Variants in TNRC6B observed in about 807,000 individuals in gnomAD.
The protein encoded by TNRC6B is trinucleotide repeat containing adaptor 6B.
A neutral mutation model predicts 203.6 loss-of-function variants in TNRC6B; 52 were observed. The observed-to-expected ratio is 0.26, with a 90% CI of 0.20 to 0.32. The LOEUF is 0.32. Ranked by LOEUF, TNRC6B falls within the 10% of genes least tolerant of loss-of-function variation. The pLI, the probability that TNRC6B is intolerant of heterozygous loss-of-function variation, is 1.00. For synonymous variants in TNRC6B, 838 were observed against 845.7 expected (o/e 0.99, Z 0.16); for missense variants, 1,923 against 2,286.2 (o/e 0.84, Z 3.24).
At chr22:40,177,917 C>A, upstream of TNRC6B, 1 of 1,339,068 alleles carries the variant, frequency 7.5e-7, no homozygotes, top group Non-Finnish European at 9.5e-7. Context: ...CAAAAAGCTG[C>A]TTCCTTTAGA....
At chr22:40,233,672 G>A (rs1475099654) in intron 1 of TNRC6B, among the ~76,000 whole-genome samples, 1 of 152,074 alleles carries the variant, frequency 6.6e-6, no homozygotes, top group East Asian at 1.9e-4. Context: ...TTCCAGACAA[G>A]CCAATTCCTT....
chr22:40,114,710 C>G (rs2068371577), intron 1 of TNRC6B, among the ~76,000 whole-genome samples: 1 of 152,148 alleles, frequency 6.6e-6, no homozygotes, highest in African/African-American at 2.4e-5. Context: ...ATTCCCACCC[C>G]TTCTATGAAT....
At position 40,323,447 on chromosome 22, in the gene TNRC6B, G is replaced by A; in HGVS notation, c.*206G>A. The A allele has an allele frequency of 1.8e-6, 1 of 542,336 alleles. No homozygotes were observed. Among genetic ancestry groups the A allele is most frequent in the East Asian group, 3.4e-5 (1 of 29,156 alleles). The allele number at this position is 542,336 out of a possible 1,614,324, so 33.6% of individuals were successfully genotyped here. A position where few individuals can be genotyped will look rare whatever the true frequency, so the allele number is the denominator to read the frequency against. On this transcript the variant is annotated 3_prime_UTR_variant, in exon 23 of 23. Transcript: ENST00000454349. ...ACTTCAGTTTTTTCGTTTGGAATAT[G>A]AATCCAAAAAGAGAACATATCACTC...
intron 3 of TNRC6B, among the ~76,000 whole-genome samples, chr22:40,137,389 C>A (rs1402354790): frequency 6.6e-6 from 1 of 152,178 alleles, no homozygotes; most frequent in African/African-American, 2.4e-5. Context: ...GTTCAATACT[C>A]CATCCTGGAC....
At chr22:40,263,922 A>G (rs1040315476) in intron 4 of TNRC6B, among the ~76,000 whole-genome samples, 1 of 152,226 alleles carries the variant, frequency 6.6e-6, no homozygotes, top group South Asian at 2.1e-4. Flanking sequence ...AAAAGACGCT[A>G]ACATGGGGAA....
chr22:40,158,132 GTTCAAGACCAGCCTGACCAACGT>G (rs2068834598), intron 4 of TNRC6B, among the ~76,000 whole-genome samples: 1 of 152,178 alleles, frequency 6.6e-6, no homozygotes, highest in African/African-American at 2.4e-5. Flanking sequence ...GAGGTTGGGA[GTTCAAGACCAGCCTGACCAACGT>G]GGTGAAACCC....
At chr22:40,248,089 A>C (rs1325753333) in intron 2 of TNRC6B, among the ~76,000 whole-genome samples, 4 of 152,032 alleles carry the variant, frequency 2.6e-5, no homozygotes, top group East Asian at 3.8e-4. Flanking sequence ...AAAAAAAAAA[A>C]AAACCATAGA....
chr22:40,101,829 T>C lies in TNRC6B; in HGVS notation c.-120-15226T>C, dbSNP rs530389685. ...AGATAAATCTAAAATGAGATTTATT[T>C]GAATAAAATACAGCTGACAATTGAC... On this transcript the variant is annotated intron_variant, in intron 1 of 23. Coordinates refer to the TNRC6B transcript ENST00000301923. Among the ~76,000 whole-genome samples the C allele has an allele frequency of 3.1e-4, 47 of 152,232 alleles. 1 individual carries two copies. Among genetic ancestry groups the C allele is most frequent in the Non-Finnish European group, 4.9e-4 (33 of 68,030 alleles).
intron 4 of TNRC6B, among the ~76,000 whole-genome samples, chr22:40,163,935 A>AT (rs576809563): frequency 1.3e-4 from 20 of 152,160 alleles, no homozygotes; most frequent in Non-Finnish European, 2.9e-4. Flanking sequence ...ATGAGGATGG[A>AT]TTTCTGTTGT....
At chr22:40,179,454 G>A (rs2069106111) in intron 1 of TNRC6B, among the ~76,000 whole-genome samples, 1 of 152,050 alleles carries the variant, frequency 6.6e-6, no homozygotes, top group Admixed American at 6.6e-5. Flanking sequence ...TGGCATATTG[G>A]CATGAGAAAG....
At position 40,262,317 on chromosome 22, in the gene TNRC6B, CGATGTGTATT is replaced by C. The variant is rs746736460; in HGVS notation, c.457+146_457+155del. The stretch of plus-strand genomic sequence containing the variant: ...AAAGATGAGAGAGGATCCTAGTATG[CGATGTGTATT>C]GGTGATTCTTGGAACTGAGGTTTAG... On this transcript the variant is annotated intron_variant, in intron 4 of 22. Transcript: ENST00000454349. 646 of 724,186 alleles carry C rather than the reference CGATGTGTATT, an allele frequency of 8.9e-4. 1 individual carries two copies. The highest frequency in any genetic ancestry group is 1.1e-3 in the Non-Finnish European group (581 of 507,504). 44.9% of individuals were successfully genotyped at this position (724,186 alleles called of 1,614,324 possible).
intron 2 of TNRC6B, among the ~76,000 whole-genome samples, chr22:40,248,381 G>A (rs537398062): frequency 4.2e-4 from 64 of 152,370 alleles, no homozygotes; most frequent in Admixed American, 7.8e-4. Context: ...CTATGGAGAT[G>A]AGTGATTAAT....
intron 3 of TNRC6B, among the ~76,000 whole-genome samples, chr22:40,130,708 G>C (rs1265403729): frequency 6.7e-6 from 1 of 148,206 alleles, no homozygotes; most frequent in Non-Finnish European, 1.5e-5. Flanking sequence ...GCGTGAACCC[G>C]GGAGGTGGAG....
rs372058995 is a variant in TNRC6B, at chr22:40,301,132, G to A, written c.3937-18G>A. Reference sequence around the variant, plus strand: ...TCGGGGCCGTGCTTATCACGTGTCTGTCTCTCTTGGCCCTCAGCTGGCTCG... The same window carrying A: ...TCGGGGCCGTGCTTATCACGTGTCTATCTCTCTTGGCCCTCAGCTGGCTCG... On this transcript the variant is annotated intron_variant, in intron 14 of 22. Transcript: ENST00000454349. 3 of 1,552,620 alleles carry A rather than the reference G, an allele frequency of 1.9e-6. No individual in the cohort carries two copies. Among genetic ancestry groups the A allele is most frequent in the Middle Eastern group, 1.7e-4 (1 of 5,962 alleles).
chr22:40,166,201 C>T (rs918340477), intron 4 of TNRC6B, among the ~76,000 whole-genome samples: 2 of 152,068 alleles, frequency 1.3e-5, no homozygotes, highest in East Asian at 3.8e-4. Flanking sequence ...GCTGCAAATC[C>T]GGCTTTTGTG....
In TNRC6B at chr22:40,324,287, TC is replaced by T; in HGVS notation, c.*1047del. On this transcript the variant is annotated 3_prime_UTR_variant, in exon 23 of 23. Transcript: ENST00000454349. ...CTCTTGGAGCAACGGTGTGTTTATT[TC>T]TGTTTTTTTTTTTTTTTAAGTGAAT... 6.6e-6 allele frequency: 1 copy of T among 151,806 alleles called. No homozygotes were observed. The highest frequency in any genetic ancestry group is 2.4e-5 in the African/African-American group (1 of 40,972). The allele number at this position is 151,806 out of a possible 1,614,324, so 9.4% of individuals were successfully genotyped here. A position where few individuals can be genotyped will look rare whatever the true frequency, so the allele number is the denominator to read the frequency against.
intron 1 of TNRC6B, among the ~76,000 whole-genome samples, chr22:40,188,188 G>T (rs1427334087): frequency 6.6e-6 from 1 of 152,068 alleles, no homozygotes; most frequent in African/African-American, 2.4e-5. Flanking sequence ...CAGCCTGGGC[G>T]ACAGAGCAAC....
intron 1 of TNRC6B, among the ~76,000 whole-genome samples, chr22:40,051,621 A>G (rs1380673769): frequency 6.6e-6 from 1 of 152,186 alleles, no homozygotes; most frequent in East Asian, 1.9e-4. Flanking sequence ...CAGGCACTAC[A>G]GTTTGAAAGC....
chr22:40,294,147 G>A, intron 12 of TNRC6B, among the ~76,000 whole-genome samples: 1 of 151,822 alleles, frequency 6.6e-6, no homozygotes, highest in Non-Finnish European at 1.5e-5. Context: ...CAGTTATTTG[G>A]GAGGCTGAGT....
Sources: allele counts gnomAD v4.1 joint callset (sites outside exome capture counted in the v4.1 genomes callset), GRCh38; gene constraint gnomAD v4.1.1; transcripts MANE v1.5; gene names NCBI Gene and HGNC (gene_info 2026-07-23, HGNC 2026-07-21).